Variants in RCC1L observed in about 807,000 individuals in gnomAD.
RCC1L encodes RCC1-like G exchanging factor-like protein.
RCC1L carries 46 observed loss-of-function variants against 58.6 expected under a neutral mutation model. That is an observed-to-expected ratio of 0.79 (90% CI 0.62 to 1.00). The LOEUF is 1.00. RCC1L is among the 50% of genes least tolerant of loss of function. The pLI is 0.00. For missense variants in RCC1L, 636 were observed against 623.6 expected, an observed-to-expected ratio of 1.02 and a Z score of -0.21; for synonymous variants, 281 against 262.9, an observed-to-expected ratio of 1.07 and a Z score of -0.67.
At position 75,058,593 on chromosome 7, in the gene RCC1L, T is replaced by C. The variant is rs1806157327; in HGVS notation, c.964A>G (p.Thr322Ala). Residue 322 changes from threonine (T) to alanine (A), a missense_variant, in exon 7 of 11, where the codon ACA (threonine) becomes GCA (alanine). Physicochemically the swap from Thr to Ala is moderately conservative, Grantham distance 58. Transcript: ENST00000610322. ...CGCTGTCGGCGACTGCATACCTGTG[T>C]GGAGTCAGTGACAGAGGCCAGCTGC... The part of the protein sequence containing the change: ...YLQLASVTDS[T>A]QVNVPRCLHF... 1.9e-6 allele frequency: 3 copies of C among 1,603,720 alleles called. No homozygotes were observed. The highest frequency in any genetic ancestry group is 1.7e-6 in the Non-Finnish European group (2 of 1,174,560).
At chr7:75,031,457 A>T (rs1191357105) in intron 10 of RCC1L, among the ~76,000 whole-genome samples, 1 of 151,890 alleles carries the variant, frequency 6.6e-6, no homozygotes, top group Non-Finnish European at 1.5e-5. Context: ...AAAAAAAATT[A>T]CCTAATGTTC....
intron 9 of RCC1L, 191 bp downstream of exon 9, chr7:75,055,710 G>C (rs1023825844): frequency 1.3e-5 from 9 of 671,858 alleles, no homozygotes; most frequent in African/African-American, 3.7e-5. Flanking sequence ...AAAACTCCAG[G>C]GGGGGAAAAC....
chr7:75,058,647 G>T lies in RCC1L; in HGVS notation c.910C>A (p.Leu304Ile). 6.2e-7 allele frequency: 1 copy of T among 1,613,598 alleles called. No homozygotes were observed. The highest frequency in any genetic ancestry group is 2.2e-5 in the East Asian group (1 of 44,878). ...CCLAVSADGG[L>I]FGWGNSEYLQ... ...TACTCCGAGTTTCCCCAACCAAAAA[G>T]TCCTCCGTCGGCGGACACGGCCAGG... Residue 304 changes from leucine to isoleucine, a missense_variant, in exon 7 of 11, where the codon CTT becomes ATT. Leu to Ile is a conservative substitution (Grantham distance 5). Transcript: ENST00000610322.
chr7:75,058,021 G>C (rs1806135392), intron 7 of RCC1L: 1 of 303,364 alleles, frequency 3.3e-6, no homozygotes, highest in South Asian at 2.8e-5. Context: ...AGCTGGGCGT[G>C]GTGGCAAGTG....
chr7:75,034,806 CCAT>C (rs1158568081), intron 10 of RCC1L, among the ~76,000 whole-genome samples: 6 of 151,970 alleles, frequency 3.9e-5, no homozygotes, highest in East Asian at 1.9e-4. Flanking sequence ...GCGTGCACCA[CCAT>C]GTTTGGCTAA....
intron 1 of RCC1L, among the ~76,000 whole-genome samples, chr7:75,072,169 T>TATATATAC (rs1337452373): frequency 1.3e-5 from 1 of 79,978 alleles, no homozygotes; most frequent in African/African-American, 4.7e-5. Context: ...TACATATATA[T>TATATATAC]ATATATATAT....
chr7:75,061,836 T>C (rs1354960549), intron 5 of RCC1L, among the ~76,000 whole-genome samples: 2 of 152,162 alleles, frequency 1.3e-5, no homozygotes, highest in African/African-American at 4.8e-5. Flanking sequence ...GCACCATCTA[T>C]TGAACAATTT....
At chr7:75,072,026 G>A (rs1448147264) in intron 1 of RCC1L, among the ~76,000 whole-genome samples, 2 of 148,874 alleles carry the variant, frequency 1.3e-5, no homozygotes, top group South Asian at 4.3e-4. Context: ...AATCCAGGAG[G>A]TCGAGGCTGC....
intron 8 of RCC1L, chr7:75,056,484 C>G (rs1806085616): frequency 6.8e-7 from 1 of 1,469,454 alleles, no homozygotes; most frequent in African/African-American, 1.4e-5. Flanking sequence ...CAATGTCTGG[C>G]CAGATTCTTA....
chr7:75,069,998 C>A (rs587721808), intron 2 of RCC1L, among the ~76,000 whole-genome samples: 1 of 152,150 alleles, frequency 6.6e-6, no homozygotes, highest in Non-Finnish European at 1.5e-5. Context: ...TCCATGTTAA[C>A]GATTTCAATG....
At chr7:75,066,549 T>C (rs1363347832) in intron 3 of RCC1L, 115 bp downstream of exon 3, 1 of 1,416,402 alleles carries the variant, frequency 7.1e-7, no homozygotes, top group Non-Finnish European at 9.7e-7. Context: ...AAATACCACA[T>C]TTCACTCATT....
chr7:75,069,934 T>A (rs1480520726), intron 2 of RCC1L, among the ~76,000 whole-genome samples: 1 of 152,204 alleles, frequency 6.6e-6, no homozygotes, highest in Non-Finnish European at 1.5e-5. Context: ...AATGCCATTA[T>A]AAGTTATTTC....
At chr7:75,051,298 AT>A (rs1805902637) in intron 10 of RCC1L, among the ~76,000 whole-genome samples, 1 of 148,970 alleles carries the variant, frequency 6.7e-6, no homozygotes, top group South Asian at 2.1e-4. Flanking sequence ...ATATAAATAC[AT>A]ACATATATAT....
At chr7:75,032,764 C>T (rs1336401094) in intron 10 of RCC1L, among the ~76,000 whole-genome samples, 10 of 152,082 alleles carry the variant, frequency 6.6e-5, no homozygotes, top group African/African-American at 2.4e-4. Flanking sequence ...TCCTGTCGCT[C>T]GGGCCTTCAG....
intron 10 of RCC1L, among the ~76,000 whole-genome samples, chr7:75,037,136 C>T (rs1301271630): frequency 1.3e-5 from 2 of 152,152 alleles, no homozygotes; most frequent in Admixed American, 1.3e-4. Context: ...ACAAGTGCCT[C>T]CTGGTTGGAG....
Position 75,048,604 on chromosome 7 carries a change from G to A in RCC1L, c.1317+4107C>T, listed in dbSNP as rs1179934838. Reference sequence around the variant, plus strand: ...ATCACGTGCCCAGCACGCTGTCCATGCCCTGCCCTCCCCCGAAGCCAGGCT... The same window carrying A: ...ATCACGTGCCCAGCACGCTGTCCATACCCTGCCCTCCCCCGAAGCCAGGCT... On this transcript the variant is annotated intron_variant, in intron 10 of 10. Coordinates refer to ENST00000610322, the MANE Select transcript of RCC1L (RefSeq NM_030798.5). 2.0e-5 allele frequency among the ~76,000 whole-genome samples: 3 copies of A among 152,370 alleles called. No homozygotes were observed. In the East Asian group the frequency reaches 5.8e-4, roughly 29 times the overall value.
downstream of RCC1L, among the ~76,000 whole-genome samples, chr7:75,041,162 C>T (rs587752816): frequency 6.6e-6 from 1 of 151,768 alleles, no homozygotes; most frequent in Non-Finnish European, 1.5e-5. Context: ...TGCAGTGAGC[C>T]GAGATCGCGC....
At chr7:75,039,092 G>A (rs1257619369), downstream of RCC1L, among the ~76,000 whole-genome samples, 1 of 152,170 alleles carries the variant, frequency 6.6e-6, no homozygotes. Flanking sequence ...TGCCTGTCTC[G>A]GACCCCCGAA....
chr7:75,061,948 G>A (rs909504912), intron 5 of RCC1L, among the ~76,000 whole-genome samples: 1 of 152,208 alleles, frequency 6.6e-6, no homozygotes, highest in Non-Finnish European at 1.5e-5. Context: ...AACACGTTGA[G>A]AGGCCAAGGC....
Sources: allele counts gnomAD v4.1 joint callset (sites outside exome capture counted in the v4.1 genomes callset), GRCh38; gene constraint gnomAD v4.1.1; transcripts MANE v1.5; gene names NCBI Gene and HGNC (gene_info 2026-07-23, HGNC 2026-07-21).